Variants in XXYLT1 observed in about 807,000 individuals in gnomAD.
XXYLT1 encodes UDP-xylose:alpha-xyloside alpha-1,3-xylosyltransferase.
A neutral mutation model predicts 28.9 loss-of-function variants in XXYLT1; 20 were observed. That is an observed-to-expected ratio of 0.69 (90% CI 0.49 to 1.00). XXYLT1 has a LOEUF of 1.00. XXYLT1 is among the 50% of genes least tolerant of loss of function. XXYLT1 has a pLI of 0.00. For synonymous variants in XXYLT1, 257 were observed against 253.8 expected (o/e 1.01, Z -0.12); for missense variants, 542 against 560.1 (o/e 0.97, Z 0.33).
intron 3 of XXYLT1, among the ~76,000 whole-genome samples, chr3:195,147,698 C>T (rs143084934): frequency 3.5e-4 from 53 of 152,288 alleles, no homozygotes; most frequent in Middle Eastern, 3.4e-3. Context: ...TGGCCAGCAC[C>T]GCGGAGGAAA....
chr3:195,143,859 T>TATATAG (rs1308747446), intron 3 of XXYLT1, among the ~76,000 whole-genome samples: 1 of 100,688 alleles, frequency 9.9e-6, no homozygotes, highest in Admixed American at 1.0e-4. Flanking sequence ...TATATAGATA[T>TATATAG]ATATAGATAT....
Position 195,150,989 on chromosome 3 carries a change from A to C in XXYLT1, c.785+5460T>G, listed in dbSNP as rs1467652669. On this transcript the variant is annotated intron_variant, in intron 3 of 3. Coordinates refer to ENST00000310380, the MANE Select transcript of XXYLT1 (RefSeq NM_152531.5). The surrounding 1 kb of genome is among the most constrained non-coding windows in gnomAD (Gnocchi z 4.7). Reference sequence around the variant, plus strand: ...TCCCAGTGGCCTCCCCAAATGACCCAGTCCACAGTTGGGCTTCCTAACTCT... The same window carrying C: ...TCCCAGTGGCCTCCCCAAATGACCCCGTCCACAGTTGGGCTTCCTAACTCT... Among the ~76,000 whole-genome samples the C allele has an allele frequency of 6.6e-6, 1 of 152,018 alleles. No homozygotes were observed. Among genetic ancestry groups the C allele is most frequent in the Non-Finnish European group, 1.5e-5 (1 of 68,006 alleles).
Position 195,255,462 on chromosome 3 carries a change from G to A in XXYLT1, c.504+15093C>T, listed in dbSNP as rs1725444256. 6.7e-6 allele frequency among the ~76,000 whole-genome samples: 1 copy of A among 149,658 alleles called. No homozygotes were observed. Among genetic ancestry groups the A allele is most frequent in the African/African-American group, 2.4e-5 (1 of 41,380 alleles). On this transcript the variant is annotated intron_variant, in intron 1 of 3. Coordinates refer to ENST00000310380, the MANE Select transcript of XXYLT1 (RefSeq NM_152531.5). The surrounding 1 kb of genome is among the most constrained non-coding windows in gnomAD (Gnocchi z 4.5). ...CCATGACTCTGGGCCTGCAGCTGAG[G>A]AGGCTGCAAAGCTTCCTTCTGGAGC...
intron 1 of XXYLT1, among the ~76,000 whole-genome samples, chr3:195,252,399 T>C (rs933360602): frequency 1.3e-5 from 2 of 152,162 alleles, no homozygotes; most frequent in African/African-American, 4.8e-5. Flanking sequence ...GAAACAAAGA[T>C]ATCTGTTACT....
At chr3:195,251,523 C>T (rs757848612) in intron 1 of XXYLT1, among the ~76,000 whole-genome samples, 1 of 152,198 alleles carries the variant, frequency 6.6e-6, no homozygotes, top group African/African-American at 2.4e-5. Flanking sequence ...GTCCAGACTT[C>T]AGTGAGGGGC....
chr3:195,103,138 G>C (rs1577028169), intron 3 of XXYLT1, among the ~76,000 whole-genome samples: 1 of 152,234 alleles, frequency 6.6e-6, no homozygotes, highest in Non-Finnish European at 1.5e-5. Flanking sequence ...GTAACAGTCA[G>C]TGCTGTGGGG....
intron 1 of XXYLT1, among the ~76,000 whole-genome samples, chr3:195,239,403 G>A (rs1341747831): frequency 2.0e-5 from 3 of 152,044 alleles, no homozygotes; most frequent in Non-Finnish European, 4.4e-5. Context: ...CCACCCCTTC[G>A]ACCTCCCCTC....
At position 195,077,607 on chromosome 3, in the gene XXYLT1, G is replaced by T. The variant is rs1715194780; in HGVS notation, c.786-7496C>A. Among the ~76,000 whole-genome samples, 1 of 152,194 alleles carries T rather than the reference G, an allele frequency of 6.6e-6. No homozygotes were observed. The highest frequency in any genetic ancestry group is 1.9e-4 in the East Asian group (1 of 5,186). ...CCCAAAGCTGTACCAGCTATGACCA[G>T]CCCATCTCTGTGGGGCCCTGTAAAG... On this transcript the variant is annotated intron_variant, in intron 3 of 3. Coordinates refer to ENST00000310380, the MANE Select transcript of XXYLT1 (RefSeq NM_152531.5). This position sits in a 1 kb window ranked among gnomAD's most constrained non-coding sequence, Gnocchi z 4.8.
rs78994626 is a variant in XXYLT1 at position 195,195,673 on chromosome 3, C to T, written c.652+31036G>A. ...CTGGCAGTTCCCCTACTGCCCAGCC[C>T]GGGAACTCCATTCATACAGCTCTCA... On this transcript the variant is annotated intron_variant, in intron 2 of 3. Coordinates refer to ENST00000310380, the MANE Select transcript of XXYLT1 (RefSeq NM_152531.5). The surrounding 1 kb of genome is among the most constrained non-coding windows in gnomAD (Gnocchi z 4.4). Among the ~76,000 whole-genome samples, 216 of 152,290 alleles carry T rather than the reference C, an allele frequency of 1.4e-3. 6 individuals carry two copies. In the East Asian group the frequency reaches 0.027, roughly 19 times the overall value.
Position 195,175,624 on chromosome 3 carries a change from T to C in XXYLT1, c.653-19043A>G, listed in dbSNP as rs1469048030. ...ACACGGTAGTAACAGACATCGCTAG[T>C]GCTCACCCGCACTCTGCCTTCCTGG... is the stretch of plus-strand genomic sequence containing the variant. On this transcript the variant is annotated intron_variant, in intron 2 of 3. Transcript: ENST00000310380. 8 of 1,536,174 alleles carry C rather than the reference T, an allele frequency of 5.2e-6. No individual in the cohort carries two copies. In the East Asian group the frequency reaches 2.0e-4, roughly 38 times the overall value.
intron 1 of XXYLT1, among the ~76,000 whole-genome samples, chr3:195,260,715 G>A (rs913434328): frequency 6.6e-6 from 1 of 152,334 alleles, no homozygotes; most frequent in East Asian, 1.9e-4. Flanking sequence ...GAGGTGCCTG[G>A]CTGCTTCTAA....
intron 2 of XXYLT1, among the ~76,000 whole-genome samples, chr3:195,171,491 C>T (rs1368942255): frequency 6.6e-6 from 1 of 152,214 alleles, no homozygotes; most frequent in Non-Finnish European, 1.5e-5. Flanking sequence ...TCCTACACGC[C>T]TGCATGAACG....
chr3:195,186,003 A>C (rs933023335), intron 2 of XXYLT1, among the ~76,000 whole-genome samples: 3 of 152,012 alleles, frequency 2.0e-5, no homozygotes, highest in African/African-American at 7.2e-5. Flanking sequence ...ACCTACCACG[A>C]GCTCTCAACC....
At chr3:195,144,837 C>T (rs957792172) in intron 3 of XXYLT1, among the ~76,000 whole-genome samples, 3 of 152,112 alleles carry the variant, frequency 2.0e-5, no homozygotes, top group Admixed American at 1.3e-4. Context: ...AAAAGTGGCC[C>T]GCAAGACCAA....
intron 3 of XXYLT1, among the ~76,000 whole-genome samples, chr3:195,090,955 C>A (rs1408191478): frequency 6.6e-6 from 1 of 151,550 alleles, no homozygotes; most frequent in Non-Finnish European, 1.5e-5. Flanking sequence ...TCGACGTATA[C>A]ACTCTCCCAA....
chr3:195,149,528 G>A (rs1161596717), intron 3 of XXYLT1, among the ~76,000 whole-genome samples: 2 of 152,176 alleles, frequency 1.3e-5, no homozygotes, highest in Non-Finnish European at 2.9e-5. Flanking sequence ...ACGCACGGGG[G>A]AAAGTGGAAG....
chr3:195,095,511 C>A (rs934988657), intron 3 of XXYLT1: 1 of 153,998 alleles, frequency 6.5e-6, no homozygotes, highest in African/African-American at 2.4e-5. Flanking sequence ...GGCACTCTTA[C>A]AGCCGGGCCT....
chr3:195,085,710 G>A (rs1715687757), intron 3 of XXYLT1, among the ~76,000 whole-genome samples: 1 of 152,196 alleles, frequency 6.6e-6, no homozygotes. Context: ...ATTCCACCAG[G>A]GGCTGGCCCA....
At chr3:195,143,069 T>C (rs191602614) in intron 3 of XXYLT1, among the ~76,000 whole-genome samples, 134 of 152,360 alleles carry the variant, frequency 8.8e-4, no homozygotes, top group Non-Finnish European at 1.6e-3. Flanking sequence ...TGGACACGAA[T>C]TATGCTTGGC....
Sources: gnomAD v4.1 joint callset for allele counts (sites outside exome capture counted in the v4.1 genomes callset) on GRCh38, gnomAD v4.1.1 for gene constraint, Gnocchi (gnomAD v3.1) non-coding constraint, MANE v1.5 for transcripts, NCBI Gene and HGNC (gene_info 2026-07-23, HGNC 2026-07-21) for gene names.